Variants in IL1RAPL1 observed in about 807,000 individuals in gnomAD.
IL1RAPL1 encodes interleukin 1 receptor accessory protein like 1, also known as interleukin-1 receptor accessory protein-like 1.
A neutral mutation model predicts 48.4 loss-of-function variants in IL1RAPL1; 3 were observed. That is an observed-to-expected ratio of 0.06 (90% CI 0.03 to 0.16). The LOEUF is 0.16. Among genes scored for constraint, IL1RAPL1 ranks in the 10% least tolerant of loss-of-function variants. The pLI is 1.00. For missense variants in IL1RAPL1, 349 were observed against 530.6 expected, an observed-to-expected ratio of 0.66 and a Z score of 3.36; for synonymous variants, 185 against 187.7, an observed-to-expected ratio of 0.99 and a Z score of 0.12.
intron 1 of IL1RAPL1, among the ~76,000 whole-genome samples, chrX:28,650,111 T>G (rs1350146931): frequency 8.9e-6 from 1 of 112,157 alleles, no homozygotes; most frequent in Non-Finnish European, 1.9e-5. Flanking sequence ...ATTCTGGAGC[T>G]TGTCTACTTA....
intron 2 of IL1RAPL1, among the ~76,000 whole-genome samples, chrX:29,106,243 C>T (rs1364593097): frequency 4.5e-5 from 5 of 111,196 alleles, no homozygotes; most frequent in Admixed American, 1.9e-4. Flanking sequence ...AATGATTCTA[C>T]GTTTATATTG....
At chrX:29,275,846 A>G (rs759909101) in intron 2 of IL1RAPL1, among the ~76,000 whole-genome samples, 8 of 112,301 alleles carry the variant, frequency 7.1e-5, no homozygotes, top group African/African-American at 2.3e-4. Flanking sequence ...TCACACCAAT[A>G]TATGACTTGA....
At chrX:29,664,142 C>T (rs779285892) in intron 5 of IL1RAPL1, among the ~76,000 whole-genome samples, 5 of 112,254 alleles carry the variant, frequency 4.5e-5, no homozygotes, top group East Asian at 2.8e-4. Flanking sequence ...CGGTGGCTCA[C>T]GCCTGTAATC....
At chrX:28,729,358 C>T (rs186275596) in intron 1 of IL1RAPL1, among the ~76,000 whole-genome samples, 1 of 110,872 alleles carries the variant, frequency 9.0e-6, no homozygotes, top group African/African-American at 3.3e-5. Flanking sequence ...TTGAAGAGTT[C>T]ATTAAATTAG....
At chrX:28,827,180 C>CATA (rs1937002567) in intron 2 of IL1RAPL1, among the ~76,000 whole-genome samples, 1 of 110,951 alleles carries the variant, frequency 9.0e-6, no homozygotes, top group Admixed American at 9.6e-5. Context: ...ACATATAAAG[C>CATA]ATAAATATTT....
At chrX:28,784,700 G>A (rs765268131) in intron 1 of IL1RAPL1, among the ~76,000 whole-genome samples, 8 of 111,555 alleles carry the variant, frequency 7.2e-5, no homozygotes, top group East Asian at 2.8e-4. Context: ...ATTCTAAAGC[G>A]TATTCTCCCT....
intron 1 of IL1RAPL1, among the ~76,000 whole-genome samples, chrX:28,737,191 CTCTTTCTTTCTTTCTCTT>C (rs1569161889): frequency 3.1e-4 from 25 of 79,466 alleles, no homozygotes; most frequent in African/African-American, 1.1e-3. Flanking sequence ...TCTTTCCTTT[CTCTTTCTTTCTTTCTCTT>C]TCTTTCTTTC....
At chrX:29,621,593 G>T (rs920997122) in intron 5 of IL1RAPL1, among the ~76,000 whole-genome samples, 1 of 110,878 alleles carries the variant, frequency 9.0e-6, no homozygotes, top group East Asian at 2.8e-4. Flanking sequence ...GAGAAGTGTA[G>T]ATTTTTTCTG....
chrX:29,203,441 C>CA (rs1242625882), intron 2 of IL1RAPL1, among the ~76,000 whole-genome samples: 2 of 110,344 alleles, frequency 1.8e-5, no homozygotes, highest in Non-Finnish European at 3.8e-5. Context: ...TTGAAATATA[C>CA]AAAAAAATTA....
chrX:28,970,321 G>A (rs1925039534), intron 2 of IL1RAPL1, among the ~76,000 whole-genome samples: 1 of 112,445 alleles, frequency 8.9e-6, no homozygotes, highest in Non-Finnish European at 1.9e-5. Flanking sequence ...ACATCTTTAT[G>A]TTGACATAAA....
intron 6 of IL1RAPL1, among the ~76,000 whole-genome samples, chrX:29,803,783 G>A (rs1430905139): frequency 1.8e-5 from 2 of 109,355 alleles, no homozygotes; most frequent in Non-Finnish European, 3.8e-5. Context: ...TAACATAAGT[G>A]CTCAAGTTTG....
chrX:29,492,357 C>G (rs1935168041), intron 5 of IL1RAPL1, among the ~76,000 whole-genome samples: 1 of 112,242 alleles, frequency 8.9e-6, no homozygotes, highest in Non-Finnish European at 1.9e-5. Context: ...GCTTAAACTA[C>G]ACAAATTTAT....
intron 2 of IL1RAPL1, among the ~76,000 whole-genome samples, chrX:28,921,193 GTAATTA>G (rs1923608110): frequency 1.8e-5 from 2 of 111,116 alleles, no homozygotes; most frequent in Non-Finnish European, 3.8e-5. Flanking sequence ...GGGACAAATG[GTAATTA>G]TAAAGACTAA....
intron 5 of IL1RAPL1, among the ~76,000 whole-genome samples, chrX:29,505,053 A>T (rs1399704475): frequency 8.9e-6 from 1 of 111,967 alleles, no homozygotes; most frequent in African/African-American, 3.3e-5. Flanking sequence ...TAATTATAAC[A>T]TTCTTTTGAA....
intron 2 of IL1RAPL1, among the ~76,000 whole-genome samples, chrX:28,967,914 C>G (rs938891723): frequency 2.7e-5 from 3 of 111,860 alleles, no homozygotes; most frequent in Non-Finnish European, 5.6e-5. Context: ...ATTGATGAAG[C>G]AGTTAGAAAT....
chrX:29,776,006 T>C (rs1929187318), intron 6 of IL1RAPL1, among the ~76,000 whole-genome samples: 1 of 111,024 alleles, frequency 9.0e-6, no homozygotes, highest in African/African-American at 3.3e-5. Flanking sequence ...TATCTCTAAA[T>C]CTCTTCTCCT....
chrX:28,828,368 T>C (rs1296716234), intron 2 of IL1RAPL1, among the ~76,000 whole-genome samples: 1 of 112,083 alleles, frequency 8.9e-6, no homozygotes, highest in Non-Finnish European at 1.9e-5. Context: ...AAAAGGCTCC[T>C]TTCCATGTGC....
intron 3 of IL1RAPL1, among the ~76,000 whole-genome samples, chrX:29,377,272 C>T (rs763816475): frequency 1.1e-4 from 12 of 112,199 alleles, no homozygotes; most frequent in Middle Eastern, 8.4e-3. Flanking sequence ...AGATGGGTCT[C>T]TTAAAAACAG....
chrX:29,536,774 A>G (rs1207583857), intron 5 of IL1RAPL1, among the ~76,000 whole-genome samples: 1 of 109,955 alleles, frequency 9.1e-6, no homozygotes, highest in Non-Finnish European at 1.9e-5. Flanking sequence ...AAATATATAT[A>G]TATATATGGA....
Sources: gnomAD v4.1 joint callset for allele counts (sites outside exome capture counted in the v4.1 genomes callset) on GRCh38, gnomAD v4.1.1 for gene constraint, MANE v1.5 for transcripts, NCBI Gene and HGNC (gene_info 2026-07-23, HGNC 2026-07-21) for gene names.